Variants in ARHGEF10L observed in about 807,000 individuals in gnomAD.
ARHGEF10L encodes the protein Rho guanine nucleotide exchange factor 10 like, also known as rho guanine nucleotide exchange factor 10-like protein.
In ARHGEF10L, 69 loss-of-function variants were observed where a neutral mutation model predicts 141.2. The observed-to-expected ratio is 0.49, with a 90% CI of 0.40 to 0.60. The LOEUF (loss-of-function observed/expected upper bound fraction) is 0.60, where lower values mean the gene tolerates loss of function less well. Ranked by LOEUF, ARHGEF10L falls within the 20% of genes least tolerant of loss-of-function variation. The pLI is 0.00. For missense variants in ARHGEF10L, 1,482 were observed against 1,734.3 expected, an observed-to-expected ratio of 0.85 and a Z score of 2.58; for synonymous variants, 711 against 718.5, an observed-to-expected ratio of 0.99 and a Z score of 0.17.
chr1:17,571,241 G>C (rs529531357), intron 1 of ARHGEF10L, among the ~76,000 whole-genome samples: 12 of 152,224 alleles, frequency 7.9e-5, no homozygotes, highest in South Asian at 6.2e-4. Context: ...CGTGAAAGAA[G>C]GGAGCAGCTG....
chr1:17,552,335 T>C (rs2077143964), intron 1 of ARHGEF10L, among the ~76,000 whole-genome samples: 1 of 152,134 alleles, frequency 6.6e-6, no homozygotes, highest in African/African-American at 2.4e-5. Context: ...AGGACTGAAG[T>C]AATAACCAGT....
rs372236690 is a variant in ARHGEF10L at position 17,624,203 on chromosome 1, C to T, written c.1201-184C>T. On this transcript the variant is annotated intron_variant, in intron 12 of 28. Coordinates refer to ENST00000361221, the MANE Select transcript of ARHGEF10L (RefSeq NM_018125.4). ...GCCAGCCTCTCTACCTCTCTGAGCTCCATGTCCACACCCCAGTGGGGGTGA... is the reference window on the plus strand; with the variant it reads ...GCCAGCCTCTCTACCTCTCTGAGCTTCATGTCCACACCCCAGTGGGGGTGA... 5.1e-4 allele frequency among the ~76,000 whole-genome samples: 77 copies of T among 152,326 alleles called. 1 individual carries two copies. In the South Asian group the frequency reaches 0.011, roughly 22 times the overall value.
intron 1 of ARHGEF10L, among the ~76,000 whole-genome samples, chr1:17,551,921 C>T (rs2077126676): frequency 6.6e-6 from 1 of 152,168 alleles, no homozygotes; most frequent in Admixed American, 6.5e-5. Context: ...AGGTCACCGT[C>T]CACAGTCCCC....
chr1:17,588,899 T>TGTGTGTGTGG (rs1557758147), intron 4 of ARHGEF10L, among the ~76,000 whole-genome samples: 3 of 30,050 alleles, frequency 1.0e-4, no homozygotes, highest in East Asian at 9.0e-4. Flanking sequence ...TGTGTGTGTG[T>TGTGTGTGTGG]AGTGGGGGAG....
the ARHGEF10L span, among the ~76,000 whole-genome samples, chr1:17,531,837 C>T: frequency 6.6e-6 from 1 of 152,232 alleles, no homozygotes; most frequent in South Asian, 2.1e-4. Flanking sequence ...TTTTATGACT[C>T]TTAGAAAGCG....
intron 3 of ARHGEF10L, 126 bp downstream of exon 3, chr1:17,587,771 G>C (rs2079151462): frequency 9.0e-7 from 1 of 1,106,876 alleles, no homozygotes; most frequent in Admixed American, 2.5e-5. Flanking sequence ...GAAGGGAAAA[G>C]CCAGTGGGAA....
chr1:17,658,073 C>A (rs1390904128), intron 25 of ARHGEF10L, among the ~76,000 whole-genome samples: 1 of 152,260 alleles, frequency 6.6e-6, no homozygotes, highest in Non-Finnish European at 1.5e-5. Context: ...CTCCCAGCTG[C>A]TTCAGGTGTT....
chr1:17,624,494 G>A lies in ARHGEF10L; in HGVS notation c.1308G>A (p.Glu436=). ...GCCTCACCAAGCCTGCCTTCCTCGA[G>A]TTCCTCAAGGTGGGCCTCCATGGTG... ...KACLTKPAFL[E]FLKRRQVCSP... is the part of the protein sequence containing the mutation. The change falls in exon 13 of 29, where the codon GAG becomes GAA. Residue 436 remains glutamate, a synonymous_variant. Coordinates refer to ENST00000361221, the MANE Select transcript of ARHGEF10L (RefSeq NM_018125.4). 6.2e-7 allele frequency: 1 copy of A among 1,614,006 alleles called. No individual in the cohort carries two copies. Among genetic ancestry groups the A allele is most frequent in the Non-Finnish European group, 8.5e-7 (1 of 1,179,836 alleles).
chr1:17,622,670 C>A (rs1021334907), intron 11 of ARHGEF10L, among the ~76,000 whole-genome samples: 1 of 152,278 alleles, frequency 6.6e-6, no homozygotes, highest in Middle Eastern at 3.4e-3. Context: ...CTTGTAGTGA[C>A]CTTACCGCTC....
intron 1 of ARHGEF10L, among the ~76,000 whole-genome samples, chr1:17,545,297 G>A (rs922343867): frequency 6.6e-6 from 1 of 152,192 alleles, no homozygotes; most frequent in African/African-American, 2.4e-5. Flanking sequence ...ATCCAGCAAT[G>A]AGCAACTCAG....
At chr1:17,568,985 T>A (rs562124175) in intron 1 of ARHGEF10L, among the ~76,000 whole-genome samples, 1 of 152,050 alleles carries the variant, frequency 6.6e-6, no homozygotes, top group South Asian at 2.1e-4. Flanking sequence ...TGCAAGGGAG[T>A]GGGATGGACC....
At chr1:17,632,597 C>T in intron 16 of ARHGEF10L, 131 bp downstream of exon 16, 1 of 1,196,920 alleles carries the variant, frequency 8.4e-7, no homozygotes, top group Non-Finnish European at 1.2e-6. Context: ...CAATATTCCT[C>T]TCCCATCCCT....
intron 15 of ARHGEF10L, among the ~76,000 whole-genome samples, chr1:17,630,414 C>T (rs886378513): frequency 5.9e-5 from 9 of 152,312 alleles, no homozygotes; most frequent in African/African-American, 2.2e-4. Context: ...GCCCTTGGGG[C>T]GGGGGGCCCT....
intron 26 of ARHGEF10L, among the ~76,000 whole-genome samples, chr1:17,680,735 A>G (rs889215404): frequency 1.3e-5 from 2 of 148,228 alleles, no homozygotes; most frequent in African/African-American, 2.5e-5. Context: ...CTCCCCTCCA[A>G]CTGCCAGCTT....
chr1:17,636,667 C>T (rs780710228), intron 18 of ARHGEF10L, among the ~76,000 whole-genome samples: 1 of 152,130 alleles, frequency 6.6e-6, no homozygotes, highest in Non-Finnish European at 1.5e-5. Context: ...CCAAGCTCGC[C>T]ATGCTCTTTG....
In ARHGEF10L at chr1:17,619,202, C is replaced by A. The variant is rs2059972901; in HGVS notation, c.836-137C>A. The A allele has an allele frequency of 2.6e-6, 2 of 770,748 alleles. No homozygotes were observed. Among genetic ancestry groups the A allele is most frequent in the African/African-American group, 1.8e-5 (1 of 55,772 alleles). 47.7% of individuals were successfully genotyped at this position (770,748 alleles called of 1,614,324 possible). ...GAAGGAGCTACCGGGCGGCTCTAACCCCACGGGGCCCCAGGAGCTGCTTGC... is the reference window on the plus strand; with the variant it reads ...GAAGGAGCTACCGGGCGGCTCTAACACCACGGGGCCCCAGGAGCTGCTTGC... On this transcript the variant is annotated intron_variant, in intron 9 of 28. Transcript: ENST00000361221. This position sits in a 1 kb window ranked among gnomAD's most constrained non-coding sequence, Gnocchi z 5.0.
chr1:17,595,610 G>A (rs1297290798), intron 4 of ARHGEF10L, among the ~76,000 whole-genome samples: 1 of 152,150 alleles, frequency 6.6e-6, no homozygotes, highest in African/African-American at 2.4e-5. Context: ...ACCATGTGTG[G>A]GGTGGCACAG....
At chr1:17,604,335 T>A (rs550636812) in intron 6 of ARHGEF10L, 2 of 152,228 alleles carry the variant, frequency 1.3e-5, no homozygotes, top group East Asian at 3.9e-4. Context: ...ATCCCACTGA[T>A]CCCACGACCC....
Position 17,616,097 on chromosome 1 carries a change from A to G in ARHGEF10L, c.730A>G (p.Thr244Ala), listed in dbSNP as rs145169128. ...GAGCCTCTCTACCTTTGCTCAGATGACCCAGCTCATGAAGGCCGCCAAGAG... is the reference window on the plus strand; with the variant it reads ...GAGCCTCTCTACCTTTGCTCAGATGGCCCAGCTCATGAAGGCCGCCAAGAG... ...ELKHKYDCKM[T>A]QLMKAAKSGT... Residue 244 changes from threonine (T) to alanine (A), a missense_variant, in exon 9 of 29, where the codon ACC becomes GCC. Transcript: ENST00000361221. 3.5e-5 allele frequency: 57 copies of G among 1,613,324 alleles called. No homozygotes were observed. The highest frequency in any genetic ancestry group is 4.7e-5 in the Non-Finnish European group (55 of 1,179,894).
Sources: allele counts gnomAD v4.1 joint callset (sites outside exome capture counted in the v4.1 genomes callset), GRCh38; gene constraint gnomAD v4.1.1; non-coding constraint Gnocchi (gnomAD v3.1); transcripts MANE v1.5; gene names NCBI Gene and HGNC (gene_info 2026-07-23, HGNC 2026-07-21).